Variants in ZRANB3 observed in about 807,000 individuals in gnomAD.
ZRANB3 encodes the protein zinc finger RANBP2-type containing 3.
In ZRANB3, 125 loss-of-function variants were observed where a neutral mutation model predicts 133.8. The ratio of observed to expected loss-of-function variants is 0.93; its 90% CI spans 0.81 to 1.08. The LOEUF is 1.08. Among genes scored for constraint, ZRANB3 ranks in the 50% least tolerant of loss-of-function variants. The probability of loss-of-function intolerance (pLI) is 0.00; values close to 1 mark genes in which losing one functional copy is unlikely to be tolerated. For synonymous variants in ZRANB3, 387 were observed against 432.7 expected (o/e 0.89, Z 1.31); for missense variants, 1,229 against 1,275.5 (o/e 0.96, Z 0.56).
intron 1 of ZRANB3, among the ~76,000 whole-genome samples, chr2:135,510,028 T>G (rs1259663138): frequency 1.3e-5 from 2 of 152,218 alleles, no homozygotes; most frequent in Non-Finnish European, 2.9e-5. Flanking sequence ...AATTGTCAAA[T>G]TTTCCAATGG....
At chr2:135,352,343 A>AG (rs1685245281) in intron 4 of ZRANB3, among the ~76,000 whole-genome samples, 1 of 151,916 alleles carries the variant, frequency 6.6e-6, no homozygotes, top group Admixed American at 6.6e-5. Flanking sequence ...AAAAAAAAAA[A>AG]AAATTAATTA....
chr2:135,344,652 G>A (rs1396322588), intron 6 of ZRANB3, among the ~76,000 whole-genome samples: 1 of 152,138 alleles, frequency 6.6e-6, no homozygotes, highest in East Asian at 1.9e-4. Context: ...CAGGAGAATT[G>A]CTTGAACATC....
intron 3 of ZRANB3, among the ~76,000 whole-genome samples, chr2:135,386,544 T>TA (rs1353422520): frequency 1.3e-5 from 2 of 152,132 alleles, no homozygotes; most frequent in Admixed American, 6.5e-5. Flanking sequence ...CATGCACACA[T>TA]ATGTTTACTG....
In ZRANB3 at chr2:135,502,748, A is replaced by G. The variant is rs78548184; in HGVS notation, c.161+1581T>C. ...CTTCAGGAATCTGAGGACCGTTAAC[A>G]CTGTGAATATGGAAGAGTACAACTT... On this transcript the variant is annotated intron_variant, in intron 2 of 20. Transcript: ENST00000264159. Among the ~76,000 whole-genome samples, 452 of 152,346 alleles carry G rather than the reference A, an allele frequency of 3.0e-3. 2 individuals are homozygous for G. The highest frequency in any genetic ancestry group is 0.01 in the African/African-American group (427 of 41,586).
intron 1 of ZRANB3, chr2:135,511,218 A>T: frequency 1.1e-6 from 1 of 910,440 alleles, no homozygotes; most frequent in Non-Finnish European, 1.8e-6. Flanking sequence ...GTCTTCCCAT[A>T]CTGTCTGAGA....
chr2:135,522,594 G>A (rs1693995340), intron 1 of ZRANB3, among the ~76,000 whole-genome samples: 1 of 152,132 alleles, frequency 6.6e-6, no homozygotes, highest in African/African-American at 2.4e-5. Flanking sequence ...GAGGTCAGGA[G>A]TTCAAGACCA....
At chr2:135,324,804 G>A (rs1683730462) in intron 6 of ZRANB3, among the ~76,000 whole-genome samples, 2 of 151,992 alleles carry the variant, frequency 1.3e-5, no homozygotes, top group Non-Finnish European at 1.5e-5. Context: ...TCTCATTGTG[G>A]TTTTGATTTG....
rs190240724 is a variant in ZRANB3, at chr2:135,362,152, C to T, written c.181-8524G>A. On this transcript the variant is annotated intron_variant, in intron 3 of 20. Transcript: ENST00000264159. ...GGCGGAGCTTGCAGTGAGCTGAGAT[C>T]GCGCCACTGCACTCCAGCCTGGGCA... 8.6e-4 allele frequency among the ~76,000 whole-genome samples: 129 copies of T among 150,092 alleles called. 1 individual carries two copies. The highest frequency in any genetic ancestry group is 1.3e-3 in the Non-Finnish European group (90 of 67,710).
At chr2:135,392,355 A>AGG (rs368812483) in intron 2 of ZRANB3, among the ~76,000 whole-genome samples, 30 of 81,990 alleles carry the variant, frequency 3.7e-4, no homozygotes, top group East Asian at 3.3e-3. Flanking sequence ...AAAAAAAAAA[A>AGG]GGGGGGGGGG....
intron 6 of ZRANB3, among the ~76,000 whole-genome samples, chr2:135,332,786 T>C (rs1684207847): frequency 1.3e-5 from 2 of 152,242 alleles, no homozygotes; most frequent in South Asian, 4.1e-4. Flanking sequence ...TCAATACATT[T>C]CAGTCAACTG....
rs555744779 is a variant in ZRANB3 at position 135,263,656 on chromosome 2, G to GT, written c.1539+1877dup. 2.2e-4 allele frequency among the ~76,000 whole-genome samples: 34 copies of GT among 152,056 alleles called. No homozygotes were observed. In the South Asian group the frequency reaches 5.8e-3, roughly 26 times the overall value. The stretch of plus-strand genomic sequence containing the variant: ...AGCACTCAGAGAATTATAAGGATGT[G>GT]TTTTTTTAAAAAGGAGCCAGTTTAA... On this transcript the variant is annotated intron_variant, in intron 12 of 20. Coordinates refer to ENST00000264159, the MANE Select transcript of ZRANB3 (RefSeq NM_032143.4).
At chr2:135,405,702 A>C (rs1205652770) in intron 2 of ZRANB3, among the ~76,000 whole-genome samples, 1 of 152,202 alleles carries the variant, frequency 6.6e-6, no homozygotes, top group East Asian at 1.9e-4. Context: ...AAACTGAACA[A>C]CCTGCTCCTG....
At chr2:135,295,674 G>A (rs1004031836) in intron 8 of ZRANB3, among the ~76,000 whole-genome samples, 12 of 152,240 alleles carry the variant, frequency 7.9e-5, no homozygotes, top group African/African-American at 2.4e-4. Context: ...TCCTAGCCTC[G>A]ATGGTCTTTA....
chr2:135,387,840 A>G (rs1687049170), intron 3 of ZRANB3, among the ~76,000 whole-genome samples: 1 of 152,224 alleles, frequency 6.6e-6, no homozygotes, highest in Non-Finnish European at 1.5e-5. Context: ...GCCAAATGTG[A>G]AAAGTGCTAT....
At chr2:135,280,427 T>C (rs1681046981) in intron 8 of ZRANB3, among the ~76,000 whole-genome samples, 1 of 151,912 alleles carries the variant, frequency 6.6e-6, no homozygotes, top group South Asian at 2.1e-4. Context: ...ATTAGCCGGG[T>C]GTGATGGCAC....
chr2:135,347,087 A>C (rs1335106601), intron 5 of ZRANB3, among the ~76,000 whole-genome samples: 1 of 152,188 alleles, frequency 6.6e-6, no homozygotes, highest in Non-Finnish European at 1.5e-5. Flanking sequence ...AGTGCTTTCA[A>C]AGTTAATTCA....
chr2:135,325,380 T>C (rs1274127400), intron 6 of ZRANB3, among the ~76,000 whole-genome samples: 5 of 152,108 alleles, frequency 3.3e-5, no homozygotes, highest in Admixed American at 2.0e-4. Context: ...TAATAAATTA[T>C]GATGAGGTTT....
intron 8 of ZRANB3, among the ~76,000 whole-genome samples, chr2:135,303,875 TTAGTTCATGATTTTGGATGCTATTTC>T (rs1682560009): frequency 6.6e-6 from 1 of 152,206 alleles, no homozygotes; most frequent in Admixed American, 6.5e-5. Flanking sequence ...TTATTCTAAA[TTAGTTCATGATTTTGGATGCTATTTC>T]AAATCGTATT....
intron 2 of ZRANB3, among the ~76,000 whole-genome samples, chr2:135,455,149 G>C (rs1227592494): frequency 6.9e-6 from 1 of 145,770 alleles, no homozygotes; most frequent in Non-Finnish European, 1.5e-5. Flanking sequence ...GCCACTGAAT[G>C]GGATCACAAT....
Sources: gnomAD v4.1 joint callset for allele counts (sites outside exome capture counted in the v4.1 genomes callset) on GRCh38, gnomAD v4.1.1 for gene constraint, MANE v1.5 for transcripts, NCBI Gene and HGNC (gene_info 2026-07-23, HGNC 2026-07-21) for gene names.